The following MCOLN2 variants were observed in gnomAD, a reference collection of about 807,000 sequenced individuals.
MCOLN2 encodes the protein mucolipin-2.
In MCOLN2, 57 loss-of-function variants were observed where a neutral mutation model predicts 67.5. The ratio of observed to expected loss-of-function variants is 0.84; its 90% CI spans 0.68 to 1.05. The LOEUF (loss-of-function observed/expected upper bound fraction) is 1.05, where lower values mean the gene tolerates loss of function less well. MCOLN2 is among the 50% of genes least tolerant of loss of function. MCOLN2 has a pLI of 0.00. For missense variants in MCOLN2, 620 were observed against 678.8 expected (o/e 0.91, Z 0.96); for synonymous variants, 246 against 233.3 (o/e 1.05, Z -0.50).
chr1:84,953,474 C>T (rs947126523), intron 4 of MCOLN2, among the ~76,000 whole-genome samples: 34 of 150,980 alleles, frequency 2.3e-4, no homozygotes, highest in Non-Finnish European at 4.0e-4. Flanking sequence ...TGCTTGAACC[C>T]GGGAGGCAGA....
In MCOLN2 at chr1:84,951,871, G is replaced by A. The variant is rs145262668; in HGVS notation, c.747+372C>T. 9.4e-3 allele frequency among the ~76,000 whole-genome samples: 1,424 copies of A among 152,248 alleles called. 23 individuals carry two copies. The highest frequency in any genetic ancestry group is 0.033 in the African/African-American group (1,365 of 41,536). ...GCAGATCACTTGAGGCCAGGAGTTC[G>A]AGACCAGCCTGGCCAACATGGCAAA... On this transcript the variant is annotated intron_variant, in intron 6 of 13. Coordinates refer to ENST00000370608, the MANE Select transcript of MCOLN2 (RefSeq NM_153259.4).
intron 1 of MCOLN2, among the ~76,000 whole-genome samples, chr1:84,992,787 T>C (rs1457016625): frequency 5.3e-5 from 8 of 152,212 alleles, no homozygotes; most frequent in African/African-American, 1.9e-4. Context: ...TACTTCATAC[T>C]AAAAAATGCT....
At chr1:84,980,762 G>C (rs952402246) in intron 1 of MCOLN2, among the ~76,000 whole-genome samples, 1 of 151,900 alleles carries the variant, frequency 6.6e-6, no homozygotes, top group African/African-American at 2.4e-5. Context: ...AAAATTTACT[G>C]AGCAATACCC....
At chr1:84,986,082 T>C (rs12045710) in intron 1 of MCOLN2, among the ~76,000 whole-genome samples, 23,509 of 152,134 alleles carry the variant, frequency 0.15, 1,944 homozygotes, top group East Asian at 0.26. Flanking sequence ...ATGGTACTGA[T>C]ATAAAAACAG....
At chr1:84,974,006 T>C (rs1316293619) in intron 1 of MCOLN2, among the ~76,000 whole-genome samples, 2 of 152,020 alleles carry the variant, frequency 1.3e-5, no homozygotes, top group African/African-American at 2.4e-5. Flanking sequence ...AGCACAGCAA[T>C]TGTGAGGCAG....
intron 11 of MCOLN2, among the ~76,000 whole-genome samples, chr1:84,933,315 C>T (rs1647266632): frequency 6.6e-6 from 1 of 152,128 alleles, no homozygotes; most frequent in South Asian, 2.1e-4. Flanking sequence ...CACTACCAGC[C>T]ACGTGGCTGG....
intron 8 of MCOLN2, among the ~76,000 whole-genome samples, chr1:84,940,211 A>G (rs12125761): frequency 0.24 from 36,071 of 151,962 alleles, 5,155 homozygotes; most frequent in East Asian, 0.39. Flanking sequence ...AGAAAGGTGG[A>G]TATTTACAAA....
chr1:84,942,722 A>G (rs868340330), intron 7 of MCOLN2, among the ~76,000 whole-genome samples: 3 of 152,184 alleles, frequency 2.0e-5, no homozygotes, highest in Non-Finnish European at 2.9e-5. Context: ...GGCCTTTAAA[A>G]GGTGATTGGG....
At chr1:84,944,684 A>G (rs532547588) in intron 7 of MCOLN2, among the ~76,000 whole-genome samples, 8 of 152,338 alleles carry the variant, frequency 5.3e-5, no homozygotes, top group African/African-American at 1.9e-4. Flanking sequence ...TGGCACATTT[A>G]GAGAGGGGAC....
At chr1:84,959,617 A>G (rs1444000472) in intron 2 of MCOLN2, among the ~76,000 whole-genome samples, 1 of 152,092 alleles carries the variant, frequency 6.6e-6, no homozygotes, top group Non-Finnish European at 1.5e-5. Flanking sequence ...ACATACATAC[A>G]CAGGCAGTGA....
chr1:84,958,153 C>T (rs1648889799), intron 3 of MCOLN2, among the ~76,000 whole-genome samples: 2 of 152,078 alleles, frequency 1.3e-5, no homozygotes, highest in Admixed American at 6.5e-5. Context: ...AGGATCAACC[C>T]ACTTTAGCCT....
chr1:84,978,790 A>G (rs1650115358), intron 1 of MCOLN2, among the ~76,000 whole-genome samples: 1 of 152,148 alleles, frequency 6.6e-6, no homozygotes, highest in African/African-American at 2.4e-5. Flanking sequence ...TGGAATGTAT[A>G]TGTGTATAAA....
intron 1 of MCOLN2, among the ~76,000 whole-genome samples, chr1:84,994,478 C>T (rs954051291): frequency 6.6e-6 from 1 of 152,212 alleles, no homozygotes; most frequent in Non-Finnish European, 1.5e-5. Context: ...TTCCAACTAA[C>T]TTGCTGCAGC....
At chr1:84,973,158 A>G (rs1649779703) in intron 1 of MCOLN2, among the ~76,000 whole-genome samples, 1 of 152,184 alleles carries the variant, frequency 6.6e-6, no homozygotes, top group South Asian at 2.1e-4. Context: ...TACCTATCAC[A>G]CCTAAGGTGC....
At chr1:84,962,159 A>G (rs1415299872) in intron 2 of MCOLN2, among the ~76,000 whole-genome samples, 1 of 152,234 alleles carries the variant, frequency 6.6e-6, no homozygotes, top group Non-Finnish European at 1.5e-5. Context: ...ATATGGAAAC[A>G]AAAGTTTAAT....
intron 12 of MCOLN2, chr1:84,929,931 T>A (rs1419830699): frequency 4.7e-4 from 120 of 257,010 alleles, no homozygotes; most frequent in African/African-American, 2.7e-3. Context: ...AGAGGTTTTT[T>A]TTAAAAAAAA....
chr1:84,995,941 A>T (rs1298592860), intron 1 of MCOLN2, among the ~76,000 whole-genome samples: 1 of 152,130 alleles, frequency 6.6e-6, no homozygotes, highest in Non-Finnish European at 1.5e-5. Flanking sequence ...CTGTATGGAA[A>T]ATGTGTCGTT....
At chr1:84,936,114 T>G (rs1436344627) in intron 11 of MCOLN2, among the ~76,000 whole-genome samples, 1 of 152,232 alleles carries the variant, frequency 6.6e-6, no homozygotes, top group African/African-American at 2.4e-5. Context: ...AAGGTGCCTA[T>G]TCTCTGTAAC....
At chr1:84,967,562 G>A (rs1291773607) in intron 1 of MCOLN2, among the ~76,000 whole-genome samples, 1 of 152,058 alleles carries the variant, frequency 6.6e-6, no homozygotes, top group Non-Finnish European at 1.5e-5. Flanking sequence ...AAAGCTTATT[G>A]TCAGTTGTTA....
Sources: gnomAD v4.1 joint callset for allele counts (sites outside exome capture counted in the v4.1 genomes callset) on GRCh38, gnomAD v4.1.1 for gene constraint, MANE v1.5 for transcripts, NCBI Gene and HGNC (gene_info 2026-07-23, HGNC 2026-07-21) for gene names.